Variants in CSF2RB observed in about 807,000 individuals in gnomAD.
The protein encoded by CSF2RB is cytokine receptor common subunit beta.
A neutral mutation model predicts 67.2 loss-of-function variants in CSF2RB; 22 were observed. That is an observed-to-expected ratio of 0.33 (90% CI 0.23 to 0.47). The LOEUF is 0.47. Ranked by LOEUF, CSF2RB falls within the 20% of genes least tolerant of loss-of-function variation. The pLI, the probability that CSF2RB is intolerant of heterozygous loss-of-function variation, is 1.00. For missense variants in CSF2RB, 1,113 were observed against 1,174.5 expected, an observed-to-expected ratio of 0.95 and a Z score of 0.76; for synonymous variants, 507 against 482.9, an observed-to-expected ratio of 1.05 and a Z score of -0.65.
chr22:36,926,217 T>G, intron 4 of CSF2RB, 40 bp downstream of exon 4: 1 of 1,604,094 alleles, frequency 6.2e-7, no homozygotes, highest in Non-Finnish European at 8.5e-7. Flanking sequence ...TGGTTTCCTG[T>G]GTGGACAGCG....
chr22:36,938,323 C>G lies in CSF2RB; in HGVS notation c.2515C>G (p.Pro839Ala), dbSNP rs1008678561. Reference sequence around the variant, plus strand: ...CGGCCCTCTCTCGCTCCGGAGTAAACCTTCTTCCCCGGGACCCGGTCCTGA... The same window carrying G: ...CGGCCCTCTCTCGCTCCGGAGTAAAGCTTCTTCCCCGGGACCCGGTCCTGA... ...GPGPLSLRSK[P>A]SSPGPGPEIK... The change falls in exon 14 of 14, where the codon CCT (proline) becomes GCT (alanine). Residue 839 changes from proline to alanine, a missense_variant. Around this residue, in one of 2 missense-constraint regions of CSF2RB, gnomAD observed 554 missense variants for 517.9 expected, o/e 1.07. Transcript: ENST00000403662. The G allele has an allele frequency of 2.5e-6, 4 of 1,614,078 alleles. No individual in the cohort carries two copies. Among genetic ancestry groups the G allele is most frequent in the African/African-American group, 1.3e-5 (1 of 74,922 alleles).
chr22:36,924,176 A>G (rs1040692753), intron 3 of CSF2RB, among the ~76,000 whole-genome samples: 2 of 150,940 alleles, frequency 1.3e-5, no homozygotes, highest in African/African-American at 4.9e-5. Context: ...ATTCTCCTCA[A>G]AGACCATCCT....
At position 36,939,320 on chromosome 22, in the gene CSF2RB, C is replaced by G; in HGVS notation, c.*818C>G. 2 of 699,122 alleles carry G rather than the reference C, an allele frequency of 2.9e-6. No homozygotes were observed. 43.3% of individuals were successfully genotyped at this position (699,122 alleles called of 1,614,324 possible). Reference sequence around the variant, plus strand: ...GAACATCAGGAGAGGAGTCCAGAGCCCACGTCTACTGCGGAAAAGTCAGGG... The same window carrying G: ...GAACATCAGGAGAGGAGTCCAGAGCGCACGTCTACTGCGGAAAAGTCAGGG... On this transcript the variant is annotated 3_prime_UTR_variant, in exon 14 of 14. Coordinates refer to ENST00000403662, the MANE Select transcript of CSF2RB (RefSeq NM_000395.3).
chr22:36,936,800 TG>T (rs773838567), intron 13 of CSF2RB, 148 bp downstream of exon 13: 74 of 642,020 alleles, frequency 1.2e-4, no homozygotes, highest in African/African-American at 5.5e-4. Flanking sequence ...AGGAGGCACC[TG>T]GGGGGGATGT....
At position 36,939,122 on chromosome 22, in the gene CSF2RB, T is replaced by C. The variant is rs541620786; in HGVS notation, c.*620T>C. 17 of 701,904 alleles carry C rather than the reference T, an allele frequency of 2.4e-5. 1 individual carries two copies. In the South Asian group the frequency reaches 2.5e-4, roughly 10 times the overall value. The allele number at this position is 701,904 out of a possible 1,614,324, so 43.5% of individuals were successfully genotyped here. On this transcript the variant is annotated 3_prime_UTR_variant, in exon 14 of 14. Coordinates refer to ENST00000403662, the MANE Select transcript of CSF2RB (RefSeq NM_000395.3). ...TTGTCACTCCGAGAAATGGGCATGG[T>C]ATTGGGGGTCGGGGGGGCGGTGCAA... is the stretch of plus-strand genomic sequence containing the variant.
chr22:36,921,014 T>C (rs1290660009), intron 1 of CSF2RB, among the ~76,000 whole-genome samples: 1 of 151,858 alleles, frequency 6.6e-6, no homozygotes, highest in African/African-American at 2.4e-5. Flanking sequence ...TGTCTGTGCA[T>C]GTATCTGTAT....
intron 4 of CSF2RB, among the ~76,000 whole-genome samples, chr22:36,927,380 G>C (rs1014571822): frequency 1.3e-5 from 2 of 152,120 alleles, no homozygotes; most frequent in Admixed American, 1.3e-4. Context: ...CCTCATGCAG[G>C]GGGTAAAGGG....
In CSF2RB at chr22:36,922,166, C is replaced by A. The variant is rs1940888617; in HGVS notation, c.-42C>A. On this transcript the variant is annotated 5_prime_UTR_variant, in exon 2 of 14. Coordinates refer to ENST00000403662, the MANE Select transcript of CSF2RB (RefSeq NM_000395.3). Reference sequence around the variant, plus strand: ...ACCCTGTCATGCCCATGGCCAGCACCCACCAGTGCTGGTGCCTGCCTGTCC... The same window carrying A: ...ACCCTGTCATGCCCATGGCCAGCACACACCAGTGCTGGTGCCTGCCTGTCC... The A allele has an allele frequency of 4.6e-6, 7 of 1,517,028 alleles. No individual in the cohort carries two copies. The highest frequency in any genetic ancestry group is 6.3e-6 in the Non-Finnish European group (7 of 1,117,150). The allele number at this position is 1,517,028 out of a possible 1,614,324, so 94.0% of individuals were successfully genotyped here.
At chr22:36,928,323 A>G (rs1359727758) in intron 4 of CSF2RB, among the ~76,000 whole-genome samples, 2 of 152,066 alleles carry the variant, frequency 1.3e-5, no homozygotes, top group Non-Finnish European at 2.9e-5. Context: ...AGTTTGTGGC[A>G]GCTTCCGAGA....
intron 6 of CSF2RB, 94 bp downstream of exon 6, chr22:36,929,901 G>A (rs1489225630): frequency 6.7e-7 from 1 of 1,492,114 alleles, no homozygotes; most frequent in Non-Finnish European, 9.1e-7. Flanking sequence ...TCCACCTGGG[G>A]GCTTCCCAGA....
In CSF2RB at chr22:36,939,642, A is replaced by G. The variant is rs1941346856; in HGVS notation, c.*1140A>G. The G allele has an allele frequency of 5.2e-6, 1 of 192,138 alleles. No homozygotes were observed. The highest frequency in any genetic ancestry group is 2.3e-5 in the African/African-American group (1 of 43,194). The allele number at this position is 192,138 out of a possible 1,614,324, so 11.9% of individuals were successfully genotyped here. On this transcript the variant is annotated 3_prime_UTR_variant, in exon 14 of 14. Coordinates refer to ENST00000403662, the MANE Select transcript of CSF2RB (RefSeq NM_000395.3). ...CTTAGGCATCGATTGGTATTTTTTA[A>G]CTGGGCCAAGCCCATTAAGGTCTTT...
chr22:36,939,722 G>A lies in CSF2RB; in HGVS notation c.*1220G>A, dbSNP rs1699825399. On this transcript the variant is annotated 3_prime_UTR_variant, in exon 14 of 14. Transcript: ENST00000403662. Reference sequence around the variant, plus strand: ...AAGTCTTTTTGACTATTGACATACAGTCTTTCACAGATGGTGGAGTGTTTT... The same window carrying A: ...AAGTCTTTTTGACTATTGACATACAATCTTTCACAGATGGTGGAGTGTTTT... 6.1e-6 allele frequency: 1 copy of A among 164,256 alleles called. No homozygotes were observed. The highest frequency in any genetic ancestry group is 1.6e-4 in the South Asian group (1 of 6,396). The allele number at this position is 164,256 out of a possible 1,614,324, so 10.2% of individuals were successfully genotyped here. A position where few individuals can be genotyped will look rare whatever the true frequency, so the allele number is the denominator to read the frequency against.
Position 36,929,824 on chromosome 22 carries a change from C to T in CSF2RB, c.718+17C>T, listed in dbSNP as rs909537972. The stretch of plus-strand genomic sequence containing the variant: ...CCCAGCCAGGTAATGTTGCCAGAGC[C>T]CAGGAAATGCCCCGTGGTGGGAGGG... On this transcript the variant is annotated intron_variant, in intron 6 of 13. Coordinates refer to ENST00000403662, the MANE Select transcript of CSF2RB (RefSeq NM_000395.3). The T allele has an allele frequency of 2.5e-6, 4 of 1,611,922 alleles. No individual in the cohort carries two copies. The highest frequency in any genetic ancestry group is 1.1e-5 in the South Asian group (1 of 90,692).
rs548203092 is a variant in CSF2RB at position 36,937,781 on chromosome 22, C to T, written c.1973C>T (p.Pro658Leu). The T allele has an allele frequency of 6.1e-5, 96 of 1,582,112 alleles. No individual in the cohort carries two copies. Among genetic ancestry groups the T allele is most frequent in the African/African-American group, 5.4e-5 (4 of 74,612 alleles). Residue 658 changes from proline (P) to leucine (L), a missense_variant, in exon 14 of 14, where the codon CCG becomes CTG. By Grantham distance (98) the Pro-to-Leu change is moderately conservative. Coordinates refer to ENST00000403662, the MANE Select transcript of CSF2RB (RefSeq NM_000395.3). This position sits in a 1 kb window ranked among gnomAD's most constrained non-coding sequence, Gnocchi z 4.6. ...PGQAVEVERR[P>L]SQGAAGSPSL... ...CAGGCCGTGGAAGTGGAGAGAAGGC[C>T]GAGCCAGGGGGCTGCAGGGAGTCCC... is the stretch of plus-strand genomic sequence containing the variant.
Position 36,929,738 on chromosome 22 carries a change from G to T in CSF2RB, c.649G>T (p.Ala217Ser). ...CGTGGCCCGAGTACGGACCCGCCTG[G>T]CCCCAGGTTCTCGGCTCTCAGGACG... ...TYVARVRTRL[A>S]PGSRLSGRPS... is the part of the protein sequence containing the mutation. The change falls in exon 6 of 14, where the codon GCC becomes TCC. Residue 217 changes from alanine to serine, a missense_variant. Transcript: ENST00000403662. 1 of 1,614,174 alleles carries T rather than the reference G, an allele frequency of 6.2e-7. No homozygotes were observed. The highest frequency in any genetic ancestry group is 1.1e-5 in the South Asian group (1 of 91,082).
Position 36,923,788 on chromosome 22 carries a change from T to C in CSF2RB, c.200+421T>C. On this transcript the variant is annotated intron_variant, in intron 3 of 13. Coordinates refer to ENST00000403662, the MANE Select transcript of CSF2RB (RefSeq NM_000395.3). The stretch of plus-strand genomic sequence containing the variant: ...AGGAGAGATGGCGCTAGCCTGGGAG[T>C]TCACAGATGGGAAAACTGAGGCCCT... 3.1e-6 allele frequency: 4 copies of C among 1,290,762 alleles called. No individual in the cohort carries two copies. The South Asian group carries it at 4.9e-5, about 16-fold the overall frequency. The allele number at this position is 1,290,762 out of a possible 1,614,324, so 80.0% of individuals were successfully genotyped here. A position where few individuals can be genotyped will look rare whatever the true frequency, so the allele number is the denominator to read the frequency against.
intron 3 of CSF2RB, chr22:36,923,906 C>T (rs886761173): frequency 1.5e-5 from 9 of 616,882 alleles, no homozygotes; most frequent in African/African-American, 9.5e-5. Flanking sequence ...TCTCCCAGGC[C>T]CCCCCTCCGT....
intron 2 of CSF2RB, among the ~76,000 whole-genome samples, 179 bp from the exon 3 acceptor site, chr22:36,923,065 G>A (rs371220717): frequency 2.0e-5 from 3 of 152,180 alleles, no homozygotes; most frequent in South Asian, 2.1e-4. Context: ...AGGAGGGTCC[G>A]CAACCAGGAG....
chr22:36,929,847 G>A, intron 6 of CSF2RB, 40 bp downstream of exon 6: 10 of 1,599,560 alleles, frequency 6.3e-6, no homozygotes, highest in African/African-American at 1.3e-5. Flanking sequence ...CGTGGTGGGA[G>A]GGCAGGCTCA....
Sources: allele counts gnomAD v4.1 joint callset (sites outside exome capture counted in the v4.1 genomes callset), GRCh38; gene constraint gnomAD v4.1.1; regional missense constraint gnomAD v4.1.1; non-coding constraint Gnocchi (gnomAD v3.1); transcripts MANE v1.5; gene names NCBI Gene and HGNC (gene_info 2026-07-23, HGNC 2026-07-21).